The following SPOCK3 variants were observed in gnomAD, a reference collection of about 807,000 sequenced individuals.
The protein encoded by SPOCK3 is SPARC (osteonectin), cwcv and kazal like domains proteoglycan 3, also known as testican-3.
SPOCK3 carries 30 observed loss-of-function variants against 56.6 expected under a neutral mutation model. The ratio of observed to expected loss-of-function variants is 0.53; its 90% CI spans 0.40 to 0.72. The LOEUF (loss-of-function observed/expected upper bound fraction) is 0.72. Among genes scored for constraint, SPOCK3 ranks in the 30% least tolerant of loss-of-function variants. SPOCK3 has a pLI of 0.00. For synonymous variants in SPOCK3, 196 were observed against 183.3 expected (o/e 1.07, Z -0.56); for missense variants, 527 against 530.0 (o/e 0.99, Z 0.06).
intron 2 of SPOCK3, among the ~76,000 whole-genome samples, chr4:167,181,771 AG>A (rs1731476687): frequency 6.6e-6 from 1 of 152,208 alleles, no homozygotes; most frequent in Non-Finnish European, 1.5e-5. Flanking sequence ...GCATTTGCAG[AG>A]AGGTCTTTTT....
At chr4:167,205,350 T>A (rs9997232) in intron 2 of SPOCK3, among the ~76,000 whole-genome samples, 30,216 of 42,466 alleles carry the variant, frequency 0.71, 10,938 homozygotes, top group Middle Eastern at 0.79. Context: ...ATTATATATA[T>A]AATATATATA....
intron 4 of SPOCK3, among the ~76,000 whole-genome samples, chr4:166,977,100 T>C (rs1232134970): frequency 6.6e-6 from 1 of 152,090 alleles, no homozygotes; most frequent in Non-Finnish European, 1.5e-5. Context: ...ATCTGGTGAT[T>C]CTTCTTTATG....
intron 4 of SPOCK3, among the ~76,000 whole-genome samples, chr4:166,991,218 C>A (rs879510464): frequency 2.0e-5 from 3 of 151,992 alleles, no homozygotes; most frequent in African/African-American, 7.2e-5. Flanking sequence ...CACCATGTTA[C>A]AACTTAGAGA....
intron 8 of SPOCK3, 87 bp downstream of exon 8, chr4:166,754,421 A>T (rs1736795275): frequency 8.7e-6 from 13 of 1,487,688 alleles, no homozygotes; most frequent in Admixed American, 4.4e-5. Flanking sequence ...ATGAATGAGC[A>T]TAGTGTACTG....
intron 8 of SPOCK3, among the ~76,000 whole-genome samples, chr4:166,751,549 A>G (rs1221348707): frequency 2.0e-5 from 3 of 152,164 alleles, no homozygotes; most frequent in African/African-American, 7.2e-5. Flanking sequence ...TACTCATTTC[A>G]TAATGTGAAG....
At chr4:166,972,377 G>T (rs962444107) in intron 4 of SPOCK3, among the ~76,000 whole-genome samples, 17 of 152,220 alleles carry the variant, frequency 1.1e-4, no homozygotes, top group African/African-American at 4.1e-4. Flanking sequence ...GTAAAATGAT[G>T]ACATTCTAAA....
intron 4 of SPOCK3, among the ~76,000 whole-genome samples, chr4:166,975,171 A>T (rs1293763026): frequency 6.6e-6 from 1 of 152,164 alleles, no homozygotes; most frequent in African/African-American, 2.4e-5. Flanking sequence ...CGGTCTTTAG[A>T]ACTGTAAAAA....
At chr4:166,793,909 C>A (rs1173768094) in intron 6 of SPOCK3, among the ~76,000 whole-genome samples, 1 of 151,924 alleles carries the variant, frequency 6.6e-6, no homozygotes, top group Non-Finnish European at 1.5e-5. Flanking sequence ...GATGCTAGTA[C>A]AATATGTGAT....
chr4:166,959,326 A>C (rs1743873459), intron 4 of SPOCK3, among the ~76,000 whole-genome samples: 1 of 152,096 alleles, frequency 6.6e-6, no homozygotes, highest in Non-Finnish European at 1.5e-5. Context: ...TAAAAGATTG[A>C]ATTCTCGGCC....
At chr4:166,783,906 T>C (rs1422376306) in intron 7 of SPOCK3, among the ~76,000 whole-genome samples, 1 of 152,166 alleles carries the variant, frequency 6.6e-6, no homozygotes, top group African/African-American at 2.4e-5. Context: ...ATATATGTGG[T>C]AACATAAAAT....
At chr4:167,176,944 T>C (rs1012345694) in intron 2 of SPOCK3, among the ~76,000 whole-genome samples, 8 of 152,134 alleles carry the variant, frequency 5.3e-5, no homozygotes, top group African/African-American at 1.2e-4. Context: ...CAACTCTATG[T>C]CCACAGCGTT....
At chr4:167,105,117 C>T (rs1759988260) in intron 2 of SPOCK3, among the ~76,000 whole-genome samples, 1 of 151,534 alleles carries the variant, frequency 6.6e-6, no homozygotes, top group African/African-American at 2.4e-5. Context: ...GAGAGTTTTT[C>T]AGTCAGAAGG....
intron 3 of SPOCK3, among the ~76,000 whole-genome samples, chr4:167,015,582 T>A (rs962346821): frequency 1.3e-5 from 2 of 152,134 alleles, no homozygotes; most frequent in African/African-American, 4.8e-5. Context: ...ACCTGGCAGG[T>A]AAATGAGCCT....
intron 2 of SPOCK3, among the ~76,000 whole-genome samples, chr4:167,198,956 C>A (rs1044846033): frequency 6.6e-6 from 1 of 152,046 alleles, no homozygotes; most frequent in Non-Finnish European, 1.5e-5. Flanking sequence ...GCTAAAAACA[C>A]CCATCATTTT....
intron 10 of SPOCK3, among the ~76,000 whole-genome samples, 195 bp downstream of exon 10, chr4:166,737,272 G>A (rs1034504743): frequency 6.6e-6 from 1 of 152,102 alleles, no homozygotes; most frequent in Non-Finnish European, 1.5e-5. Context: ...TCTAAATTAT[G>A]CAATGACCAC....
At chr4:166,961,082 C>T (rs7696936) in intron 4 of SPOCK3, among the ~76,000 whole-genome samples, 54,777 of 151,888 alleles carry the variant, frequency 0.36, 12,183 homozygotes, top group African/African-American at 0.63. Flanking sequence ...TATGGAAAGA[C>T]AGGCAAATGA....
chr4:167,151,782 AAAG>A (rs1764450245), intron 2 of SPOCK3, among the ~76,000 whole-genome samples: 1 of 152,158 alleles, frequency 6.6e-6, no homozygotes. Flanking sequence ...ATAAAGAGAA[AAAG>A]AAGGGAGGGA....
intron 3 of SPOCK3, among the ~76,000 whole-genome samples, chr4:167,003,939 A>G (rs1411077248): frequency 6.6e-6 from 1 of 152,122 alleles, no homozygotes; most frequent in African/African-American, 2.4e-5. Flanking sequence ...AATTTTTCCC[A>G]GTTACTTCCA....
At position 166,734,938 on chromosome 4, in the gene SPOCK3, G is replaced by T; in HGVS notation, c.1285C>A (p.His429Asn). ...EGDDDDGGDD[H>N]DVYI ...GTCATCAATCAAATGTATACATCAT[G>T]GTCATCACCACCATCATCATCATCC... Residue 429 changes from histidine (H) to asparagine (N), a missense_variant, in exon 11 of 11, where the codon CAT becomes AAT. His to Asn is a moderately conservative substitution (Grantham distance 68, BLOSUM62 1). Coordinates refer to ENST00000357545, the MANE Select transcript of SPOCK3 (RefSeq NM_001040159.2). The T allele has an allele frequency of 6.5e-7, 1 of 1,550,070 alleles. No individual in the cohort carries two copies. Among genetic ancestry groups the T allele is most frequent in the Non-Finnish European group, 8.9e-7 (1 of 1,127,162 alleles).
Sources: allele counts gnomAD v4.1 joint callset (sites outside exome capture counted in the v4.1 genomes callset), GRCh38; gene constraint gnomAD v4.1.1; transcripts MANE v1.5; gene names NCBI Gene and HGNC (gene_info 2026-07-23, HGNC 2026-07-21).